IFT25: variants seen among roughly 807,000 people sequenced by gnomAD.
The protein encoded by IFT25 is intraflagellar transport 25.
chr1:53,922,911 TGG>T, the IFT25 span, among the ~76,000 whole-genome samples: 5 of 152,184 alleles, frequency 3.3e-5, no homozygotes, highest in Non-Finnish European at 7.3e-5. Context: ...AATAAAATTC[TGG>T]GTGATTTCCA....
At chr1:53,920,019 G>A in the IFT25 span, among the ~76,000 whole-genome samples, 2 of 152,034 alleles carry the variant, frequency 1.3e-5, no homozygotes, top group South Asian at 2.1e-4. Context: ...GGCTGGTCTC[G>A]AACTTCTGAG....
the IFT25 span, among the ~76,000 whole-genome samples, chr1:53,919,752 G>A: frequency 1.3e-5 from 2 of 151,570 alleles, no homozygotes; most frequent in Non-Finnish European, 2.9e-5. Context: ...ACTGATTGTT[G>A]CCTATATCAA....
the IFT25 span, chr1:53,928,758 G>T: frequency 3.8e-6 from 1 of 262,308 alleles, no homozygotes; most frequent in Non-Finnish European, 7.2e-6. Context: ...AAACATTTAT[G>T]GAGAGCCTAT....
the IFT25 span, among the ~76,000 whole-genome samples, chr1:53,920,952 C>G: frequency 0.017 from 2,561 of 152,192 alleles, 27 homozygotes; most frequent in South Asian, 0.044. Flanking sequence ...GTGGGCAGAT[C>G]GCTTGAGCTC....
chr1:53,940,201 C>T, the IFT25 span: 1 of 623,960 alleles, frequency 1.6e-6, no homozygotes, highest in African/African-American at 1.8e-5. Context: ...GATGGTTTAA[C>T]ACCCAAGCTA....
chr1:53,939,842 T>C, the IFT25 span: 7 of 609,804 alleles, frequency 1.1e-5, no homozygotes, highest in Non-Finnish European at 1.4e-5. Flanking sequence ...GTTTCAGAAA[T>C]GGTACCAAAA....
the IFT25 span, among the ~76,000 whole-genome samples, chr1:53,942,287 T>C: frequency 6.6e-6 from 1 of 152,358 alleles, no homozygotes; most frequent in East Asian, 1.9e-4. Context: ...AACTACTGCC[T>C]GTGAGCCATA....
the IFT25 span, among the ~76,000 whole-genome samples, chr1:53,945,031 C>T: frequency 2.5e-4 from 38 of 152,250 alleles, 2 homozygotes; most frequent in East Asian, 7.4e-3. Context: ...AACACGGACC[C>T]GGCCTAAGGC....
the IFT25 span, among the ~76,000 whole-genome samples, chr1:53,932,138 G>T: frequency 6.6e-6 from 1 of 152,126 alleles, no homozygotes; most frequent in Non-Finnish European, 1.5e-5. Context: ...CTCACCTGAG[G>T]TCAGCAGTTC....
the IFT25 span, among the ~76,000 whole-genome samples, chr1:53,938,777 T>C: frequency 6.6e-6 from 1 of 152,034 alleles, no homozygotes; most frequent in Non-Finnish European, 1.5e-5. Context: ...GCCAGAACTA[T>C]TAAAAAAGGA....
chr1:53,923,899 C>T, the IFT25 span: 1 of 1,547,358 alleles, frequency 6.5e-7, no homozygotes, highest in Non-Finnish European at 8.9e-7. Context: ...AGTATATTCA[C>T]TTACCACAAT....
the IFT25 span, chr1:53,924,001 T>C: frequency 8.0e-6 from 9 of 1,125,042 alleles, no homozygotes; most frequent in Admixed American, 1.3e-4. Flanking sequence ...TACATGAGAA[T>C]AGCTATTGAA....
the IFT25 span, among the ~76,000 whole-genome samples, chr1:53,934,119 C>T: frequency 6.6e-6 from 1 of 152,134 alleles, no homozygotes; most frequent in Non-Finnish European, 1.5e-5. Context: ...TTAATTTCTT[C>T]TTATAGGTTT....
chr1:53,923,102 C>T, the IFT25 span, among the ~76,000 whole-genome samples: 1 of 152,164 alleles, frequency 6.6e-6, no homozygotes, highest in African/African-American at 2.4e-5. Flanking sequence ...CAGGACCTCA[C>T]TGGCCTCCCC....
the IFT25 span, among the ~76,000 whole-genome samples, chr1:53,916,253 C>T: frequency 6.6e-6 from 1 of 151,342 alleles, no homozygotes; most frequent in Non-Finnish European, 1.5e-5. Context: ...GGTAAAGCTA[C>T]ATATCATATC....
the IFT25 span, chr1:53,945,697 T>G: frequency 6.2e-5 from 9 of 144,738 alleles, no homozygotes; most frequent in African/African-American, 2.3e-4. Flanking sequence ...GCGCTCCAAC[T>G]CTGAAATCTT....
the IFT25 span, among the ~76,000 whole-genome samples, chr1:53,941,297 C>T: frequency 6.6e-6 from 1 of 151,906 alleles, no homozygotes; most frequent in South Asian, 2.1e-4. Context: ...CCGGCTTGCA[C>T]AGGCTAGTCT....
the IFT25 span, among the ~76,000 whole-genome samples, chr1:53,915,556 G>T: frequency 8.5e-5 from 13 of 152,188 alleles, no homozygotes; most frequent in African/African-American, 3.1e-4. Flanking sequence ...GACTGCGTCA[G>T]GTCCCTAACC....
the IFT25 span, among the ~76,000 whole-genome samples, chr1:53,932,152 A>C: frequency 6.6e-6 from 1 of 152,278 alleles, no homozygotes; most frequent in South Asian, 2.1e-4. Context: ...GCAGTTCAAG[A>C]CCAGCCCGAC....
Sources: allele counts gnomAD v4.1 joint callset (sites outside exome capture counted in the v4.1 genomes callset), GRCh38; gene constraint gnomAD v4.1.1; transcripts MANE v1.5; gene names NCBI Gene and HGNC (gene_info 2026-07-23, HGNC 2026-07-21).